The following SFSWAP variants were observed in gnomAD, a reference collection of about 807,000 sequenced individuals.
SFSWAP encodes splicing factor SWAP.
Under a neutral mutation model 100.7 loss-of-function variants are expected in SFSWAP, and 17 were observed. That is an observed-to-expected ratio of 0.17 (90% CI 0.12 to 0.25). SFSWAP has a LOEUF of 0.25. Ranked by LOEUF, SFSWAP falls within the 10% of genes least tolerant of loss-of-function variation. The pLI is 1.00. For synonymous variants in SFSWAP, 504 were observed against 510.1 expected, an observed-to-expected ratio of 0.99 and a Z score of 0.16; for missense variants, 1,005 against 1,262.6, an observed-to-expected ratio of 0.80 and a Z score of 3.09.
At position 131,799,512 on chromosome 12, in the gene SFSWAP, C is replaced by G; in HGVS notation, c.*24C>G. 6.2e-7 allele frequency: 1 copy of G among 1,609,902 alleles called. No individual in the cohort carries two copies. The highest frequency in any genetic ancestry group is 8.5e-7 in the Non-Finnish European group (1 of 1,177,310). On this transcript the variant is annotated 3_prime_UTR_variant, in exon 18 of 18. Transcript: ENST00000261674. Reference sequence around the variant, plus strand: ...GAGACGGGGCCAGCGGAGGCAGAGCCGGGAGGCTGCGTGGGCTTCTGGGCA... The same window carrying G: ...GAGACGGGGCCAGCGGAGGCAGAGCGGGGAGGCTGCGTGGGCTTCTGGGCA...
At chr12:131,739,025 A>G (rs1284410353) in intron 7 of SFSWAP, among the ~76,000 whole-genome samples, 2 of 150,156 alleles carry the variant, frequency 1.3e-5, no homozygotes, top group African/African-American at 2.5e-5. Flanking sequence ...GACCACAGGC[A>G]TGTGCCACCA....
intron 13 of SFSWAP, among the ~76,000 whole-genome samples, chr12:131,766,695 A>G (rs1223794814): frequency 1.3e-5 from 2 of 152,250 alleles, no homozygotes; most frequent in Admixed American, 6.5e-5. Flanking sequence ...CACGTGGGGC[A>G]GAAATCCTTT....
chr12:131,726,784 T>C (rs1027727428), intron 5 of SFSWAP, among the ~76,000 whole-genome samples, 156 bp from the exon 6 acceptor site: 8 of 152,380 alleles, frequency 5.3e-5, no homozygotes, highest in Admixed American at 6.5e-5. Context: ...TCTGGCCTTC[T>C]TCTGGACAAC....
intron 7 of SFSWAP, among the ~76,000 whole-genome samples, chr12:131,732,264 T>C (rs1245421056): frequency 1.3e-5 from 2 of 152,182 alleles, no homozygotes; most frequent in Admixed American, 6.5e-5. Context: ...AGAATAACTG[T>C]AACGTTTGCA....
Position 131,799,093 on chromosome 12 carries a change from A to G in SFSWAP, c.2774A>G (p.Gln925Arg). 3 of 1,614,076 alleles carry G rather than the reference A, an allele frequency of 1.9e-6. No homozygotes were observed. The highest frequency in any genetic ancestry group is 1.1e-5 in the South Asian group (1 of 91,084). The change falls in exon 17 of 18, where the codon CAG (glutamine) becomes CGG (arginine). Residue 925 changes from glutamine to arginine, a missense_variant. Physicochemically the swap from Gln to Arg is conservative, Grantham distance 43. Transcript: ENST00000261674. ...TCTTCAGCAATCGTTTCTTCCGTGC[A>G]GAGCAAAATCACTCAGGTCAGTGGG... Reference protein sequence around the residue: ...QISSAIVSSVQSKITQDLMAK... With the variant: ...QISSAIVSSVRSKITQDLMAK...
At chr12:131,781,648 G>C (rs944071048) in intron 14 of SFSWAP, among the ~76,000 whole-genome samples, 2 of 152,116 alleles carry the variant, frequency 1.3e-5, no homozygotes, top group African/African-American at 4.8e-5. Flanking sequence ...CCTGAGTGTG[G>C]TTTCCACCGT....
rs544681429 is a variant in SFSWAP at position 131,752,546 on chromosome 12, A to T, written c.1082-577A>T. Among the ~76,000 whole-genome samples, 18 of 152,320 alleles carry T rather than the reference A, an allele frequency of 1.2e-4. No individual in the cohort carries two copies. In the South Asian group the frequency reaches 2.9e-3, roughly 25 times the overall value. ...TCAGTGCCCCTGGGAACTTTTATTT[A>T]CTGAATAAATTCCTGCACAGCCTGT... is the stretch of plus-strand genomic sequence containing the variant. On this transcript the variant is annotated intron_variant, in intron 7 of 17. Transcript: ENST00000261674.
At chr12:131,787,751 C>G (rs1040199232) in intron 15 of SFSWAP, among the ~76,000 whole-genome samples, 1 of 152,170 alleles carries the variant, frequency 6.6e-6, no homozygotes, top group African/African-American at 2.4e-5. Context: ...TGCCTAGCCA[C>G]AAGGCACACA....
chr12:131,711,900 C>T lies in SFSWAP; in HGVS notation c.218+453C>T, dbSNP rs1015246764. 3 of 176,900 alleles carry T rather than the reference C, an allele frequency of 1.7e-5. No individual in the cohort carries two copies. The highest frequency in any genetic ancestry group is 7.1e-5 in the African/African-American group (3 of 41,968). The allele number at this position is 176,900 out of a possible 1,614,324, so 11.0% of individuals were successfully genotyped here. On this transcript the variant is annotated intron_variant, in intron 1 of 17. Transcript: ENST00000261674. This position sits in a 1 kb window ranked among gnomAD's most constrained non-coding sequence, Gnocchi z 4.9. ...CCTGGGAGGCGTGCCTTTATTCTTCCGAACCGCCGCTCACTGAGACAGTGG... is the reference window on the plus strand; with the variant it reads ...CCTGGGAGGCGTGCCTTTATTCTTCTGAACCGCCGCTCACTGAGACAGTGG...
chr12:131,714,868 C>G lies in SFSWAP; in HGVS notation c.435C>G (p.Ser145Arg). 6.2e-7 allele frequency: 1 copy of G among 1,614,024 alleles called. No homozygotes were observed. Residue 145 changes from serine (S) to arginine (R), a missense_variant, in exon 3 of 18, where the codon AGC becomes AGG. Physicochemically the swap from Ser to Arg is moderately radical, Grantham distance 110 (BLOSUM62 -1). Coordinates refer to ENST00000261674, the MANE Select transcript of SFSWAP (RefSeq NM_004592.4). The surrounding 1 kb of genome is among the most constrained non-coding windows in gnomAD (Gnocchi z 6.0). Reference protein sequence around the residue: ...RLSEALAEDGSYNAVGFTYGS... With the variant: ...RLSEALAEDGRYNAVGFTYGS... ...GTGAAGCACTAGCAGAGGATGGGAGCTACAATGCCGTGGGGTTCACTTACG... is the reference window on the plus strand; with the variant it reads ...GTGAAGCACTAGCAGAGGATGGGAGGTACAATGCCGTGGGGTTCACTTACG...
chr12:131,731,747 A>G (rs1172925450), intron 7 of SFSWAP, among the ~76,000 whole-genome samples: 2 of 152,122 alleles, frequency 1.3e-5, no homozygotes, highest in African/African-American at 4.8e-5. Flanking sequence ...ATGCAGTGGG[A>G]TCTCAACTAT....
intron 15 of SFSWAP, among the ~76,000 whole-genome samples, chr12:131,790,082 CTT>C (rs1362791240): frequency 1.3e-5 from 2 of 152,208 alleles, no homozygotes; most frequent in Non-Finnish European, 2.9e-5. Context: ...TTCCCCCTCT[CTT>C]CTTCCTTCTG....
At position 131,797,359 on chromosome 12, in the gene SFSWAP, A is replaced by G. The variant is rs1321067069; in HGVS notation, c.2716A>G (p.Arg906Gly). 6.2e-7 allele frequency: 1 copy of G among 1,604,524 alleles called. No individual in the cohort carries two copies. Among genetic ancestry groups the G allele is most frequent in the African/African-American group, 1.3e-5 (1 of 74,690 alleles). ...TCGGGGCTCCAGCCAGGAGCGCTCC[A>G]GGTAACCCCTGTCCTCCAGCAGCTC... ...ESRGSSQERS[R>G]GVSQEKEAQI... Residue 906 changes from arginine to glycine, a missense_variant and splice_region_variant, in exon 16 of 18, where the codon AGG becomes GGG. Arg to Gly is a moderately radical substitution (Grantham distance 125, BLOSUM62 -2). Coordinates refer to ENST00000261674, the MANE Select transcript of SFSWAP (RefSeq NM_004592.4).
chr12:131,769,473 G>C (rs1339839155), intron 13 of SFSWAP, among the ~76,000 whole-genome samples: 1 of 152,156 alleles, frequency 6.6e-6, no homozygotes. Context: ...AATTTCCAGT[G>C]AAACTCAGTC....
chr12:131,754,350 C>A lies in SFSWAP; in HGVS notation c.1323-18C>A. 1 of 1,516,280 alleles carries A rather than the reference C, an allele frequency of 6.6e-7. No individual in the cohort carries two copies. The allele number at this position is 1,516,280 out of a possible 1,614,324, so 93.9% of individuals were successfully genotyped here. A position where few individuals can be genotyped will look rare whatever the true frequency, so the allele number is the denominator to read the frequency against. On this transcript the variant is annotated intron_variant, in intron 8 of 17. Coordinates refer to ENST00000261674, the MANE Select transcript of SFSWAP (RefSeq NM_004592.4). ...GAGCCCCTGAAGCCCAGGGGTCTCA[C>A]AGACTCTTCTCCTGCAGTGCACTTG...
At chr12:131,771,295 C>T (rs1883574376) in intron 13 of SFSWAP, among the ~76,000 whole-genome samples, 1 of 152,110 alleles carries the variant, frequency 6.6e-6, no homozygotes, top group South Asian at 2.1e-4. Context: ...AAGTAGTTTA[C>T]CTGTAAATCA....
At chr12:131,759,894 T>C (rs1882509952) in intron 11 of SFSWAP, among the ~76,000 whole-genome samples, 1 of 152,162 alleles carries the variant, frequency 6.6e-6, no homozygotes, top group Admixed American at 6.5e-5. Context: ...TGAGAAGACC[T>C]TCTAGTATAG....
chr12:131,731,936 GTC>G (rs1172956483), intron 7 of SFSWAP, among the ~76,000 whole-genome samples: 1 of 116,972 alleles, frequency 8.5e-6, no homozygotes, highest in African/African-American at 3.4e-5. Flanking sequence ...TTGAGACGGA[GTC>G]TCTCTGTGTT....
intron 3 of SFSWAP, among the ~76,000 whole-genome samples, chr12:131,716,633 A>G (rs546514147): frequency 1.3e-5 from 2 of 152,364 alleles, no homozygotes; most frequent in African/African-American, 4.8e-5. Flanking sequence ...TTGGAAAGAA[A>G]ATAACAAAGT....
Sources: gnomAD v4.1 joint callset for allele counts (sites outside exome capture counted in the v4.1 genomes callset) on GRCh38, gnomAD v4.1.1 for gene constraint, Gnocchi (gnomAD v3.1) non-coding constraint, MANE v1.5 for transcripts, NCBI Gene and HGNC (gene_info 2026-07-23, HGNC 2026-07-21) for gene names.